FRMD4B: variants seen among roughly 807,000 people sequenced by gnomAD.
FRMD4B encodes FERM domain-containing protein 4B.
In FRMD4B, 74 loss-of-function variants were observed where a neutral mutation model predicts 141.5. That is an observed-to-expected ratio of 0.52 (90% CI 0.43 to 0.63). FRMD4B has a LOEUF of 0.63. Among genes scored for constraint, FRMD4B ranks in the 30% least tolerant of loss-of-function variants. The probability of loss-of-function intolerance (pLI) is 0.00; values close to 1 mark genes in which losing one functional copy is unlikely to be tolerated. For missense variants in FRMD4B, 1,366 were observed against 1,253.4 expected (o/e 1.09, Z -1.36); for synonymous variants, 506 against 467.9 (o/e 1.08, Z -1.05).
intron 7 of FRMD4B, among the ~76,000 whole-genome samples, chr3:69,239,022 T>C (rs2093364181): frequency 6.6e-6 from 1 of 152,204 alleles, no homozygotes; most frequent in Non-Finnish European, 1.5e-5. Context: ...GGGCGTCCTA[T>C]ATTTTTATTT....
At chr3:69,261,687 A>AT (rs1174737543) in intron 5 of FRMD4B, among the ~76,000 whole-genome samples, 1 of 151,996 alleles carries the variant, frequency 6.6e-6, no homozygotes, top group Non-Finnish European at 1.5e-5. Flanking sequence ...TTATTTATTT[A>AT]TTTGAGATGG....
At chr3:69,318,545 G>A (rs1018331599) in intron 1 of FRMD4B, among the ~76,000 whole-genome samples, 2 of 152,138 alleles carry the variant, frequency 1.3e-5, no homozygotes, top group African/African-American at 4.8e-5. Context: ...ATGAACTAGA[G>A]AGAAAAACAC....
At chr3:69,236,039 C>T (rs536285450) in intron 7 of FRMD4B, among the ~76,000 whole-genome samples, 126 of 152,186 alleles carry the variant, frequency 8.3e-4, no homozygotes, top group East Asian at 1.4e-3. Flanking sequence ...TGACAGTCTG[C>T]GTTTTTAAAC....
Position 69,472,925 on chromosome 3 carries a change from C to CTTTTTTTTTTTTTTT in FRMD4B, c.-128-40165_-128-40164insAAAAAAAAAAAAAAA, listed in dbSNP as rs796453101. Among the ~76,000 whole-genome samples, 177 of 90,854 alleles carry CTTTTTTTTTTTTTTT rather than the reference C, an allele frequency of 1.9e-3. 5 individuals are homozygous for CTTTTTTTTTTTTTTT. The highest frequency in any genetic ancestry group is 2.7e-3 in the Non-Finnish European group (126 of 46,710). The allele number at this position is 90,854 out of a possible 152,430, so 59.6% of individuals were successfully genotyped here. ...TATCCAAGGCTTCAAGTGAGTCTTT[C>CTTTTTTTTTTTTTTT]TTTTTTTTTTTTCTTTTTTTTTTTT... On this transcript the variant is annotated intron_variant, in intron 1 of 5. Transcript: ENST00000459638.
chr3:69,438,302 C>T (rs1705292471), intron 1 of FRMD4B, among the ~76,000 whole-genome samples: 1 of 151,840 alleles, frequency 6.6e-6, no homozygotes, highest in Non-Finnish European at 1.5e-5. Context: ...GACAGGTTCT[C>T]GCTTTGTTGC....
At chr3:69,364,189 C>T (rs148937737) in intron 1 of FRMD4B, among the ~76,000 whole-genome samples, 7 of 152,318 alleles carry the variant, frequency 4.6e-5, no homozygotes, top group South Asian at 2.1e-4. Flanking sequence ...TTATGTCACG[C>T]GACTATCTTG....
chr3:69,482,315 T>C (rs954577127), intron 1 of FRMD4B, among the ~76,000 whole-genome samples: 13 of 152,136 alleles, frequency 8.5e-5, no homozygotes, highest in African/African-American at 2.9e-4. Flanking sequence ...TGGCCCTAAC[T>C]AAGAATATCA....
intron 1 of FRMD4B, among the ~76,000 whole-genome samples, chr3:69,460,477 G>T (rs373977213): frequency 6.6e-6 from 1 of 152,148 alleles, no homozygotes; most frequent in Non-Finnish European, 1.5e-5. Flanking sequence ...TTGGATTACC[G>T]TATTTGTAAA....
chr3:69,467,338 G>A (rs1705809160), intron 1 of FRMD4B, among the ~76,000 whole-genome samples: 1 of 152,142 alleles, frequency 6.6e-6, no homozygotes, highest in Non-Finnish European at 1.5e-5. Flanking sequence ...GGCATGATTT[G>A]GACCCAAATC....
chr3:69,441,740 C>G (rs749359932), intron 1 of FRMD4B, among the ~76,000 whole-genome samples: 1 of 152,078 alleles, frequency 6.6e-6, no homozygotes, highest in Non-Finnish European at 1.5e-5. Flanking sequence ...CGTGGATCTC[C>G]CCTAATGCCC....
At chr3:69,453,293 A>C (rs551170725) in intron 1 of FRMD4B, among the ~76,000 whole-genome samples, 51 of 152,330 alleles carry the variant, frequency 3.3e-4, no homozygotes, top group South Asian at 8.3e-4. Context: ...GCTCTGTGTC[A>C]GGGACCTTCT....
chr3:69,420,416 C>T (rs545875017), intron 2 of FRMD4B, among the ~76,000 whole-genome samples: 7 of 151,962 alleles, frequency 4.6e-5, no homozygotes, highest in East Asian at 1.9e-4. Flanking sequence ...AATAGCCCTA[C>T]AAAGTAAGCG....
At chr3:69,286,166 A>G (rs1266513808) in intron 5 of FRMD4B, among the ~76,000 whole-genome samples, 5 of 152,246 alleles carry the variant, frequency 3.3e-5, no homozygotes, top group Admixed American at 2.0e-4. Flanking sequence ...TCCTCCAGGC[A>G]GAAAGAATCA....
intron 1 of FRMD4B, chr3:69,536,609 CT>C: frequency 5.2e-6 from 5 of 961,200 alleles, no homozygotes; most frequent in African/African-American, 1.6e-5. Flanking sequence ...TCAGGCCTGG[CT>C]TTTCAGATTC....
upstream of FRMD4B, among the ~76,000 whole-genome samples, chr3:69,388,735 G>A (rs886711794): frequency 6.6e-6 from 1 of 152,174 alleles, no homozygotes; most frequent in African/African-American, 2.4e-5. Flanking sequence ...TTAGCACGGT[G>A]TCTGGTGAAG....
chr3:69,330,340 C>CTTTTTTTTTTT (rs34238889), intron 1 of FRMD4B, among the ~76,000 whole-genome samples: 11 of 42,928 alleles, frequency 2.6e-4, no homozygotes, highest in African/African-American at 9.6e-4. Context: ...ATTCTTTTGC[C>CTTTTTTTTTTT]TTTTTTTTTT....
At chr3:69,409,054 A>G (rs1704707817) in intron 2 of FRMD4B, among the ~76,000 whole-genome samples, 1 of 152,194 alleles carries the variant, frequency 6.6e-6, no homozygotes, top group Non-Finnish European at 1.5e-5. Flanking sequence ...CGTGAGGAAT[A>G]TATGCAGAGT....
intron 17 of FRMD4B, among the ~76,000 whole-genome samples, chr3:69,191,459 T>C (rs73835776): frequency 0.028 from 4,208 of 152,158 alleles, 206 homozygotes; most frequent in African/African-American, 0.097. Flanking sequence ...AACAAACGTA[T>C]TCAGTAAAGA....
chr3:69,477,989 C>T (rs1051347210), intron 1 of FRMD4B, among the ~76,000 whole-genome samples: 2 of 151,992 alleles, frequency 1.3e-5, no homozygotes, highest in African/African-American at 2.4e-5. Context: ...AGTTTATTTG[C>T]GTAGAGGTGT....
Sources: gnomAD v4.1 joint callset for allele counts (sites outside exome capture counted in the v4.1 genomes callset) on GRCh38, gnomAD v4.1.1 for gene constraint, MANE v1.5 for transcripts, NCBI Gene and HGNC (gene_info 2026-07-23, HGNC 2026-07-21) for gene names.